MYRIP: variants seen among roughly 807,000 people sequenced by gnomAD.
MYRIP encodes myosin VIIA and Rab interacting protein.
A neutral mutation model predicts 98.0 loss-of-function variants in MYRIP; 49 were observed. That is an observed-to-expected ratio of 0.50 (90% CI 0.40 to 0.63). The LOEUF is 0.63. Among genes scored for constraint, MYRIP ranks in the 30% least tolerant of loss-of-function variants. The pLI, the probability that MYRIP is intolerant of heterozygous loss-of-function variation, is 0.00. For missense variants in MYRIP, 1,004 were observed against 1,058.2 expected (o/e 0.95, Z 0.71); for synonymous variants, 404 against 409.5 (o/e 0.99, Z 0.16).
At chr3:39,918,279 A>G (rs1559521772) in intron 2 of MYRIP, among the ~76,000 whole-genome samples, 1 of 152,068 alleles carries the variant, frequency 6.6e-6, no homozygotes, top group African/African-American at 2.4e-5. Flanking sequence ...GCTCAAATAA[A>G]CTCTATATTT....
At chr3:40,135,380 A>T (rs548065241) in intron 3 of MYRIP, among the ~76,000 whole-genome samples, 1 of 152,274 alleles carries the variant, frequency 6.6e-6, no homozygotes, top group Non-Finnish European at 1.5e-5. Context: ...ATATGGGACT[A>T]TGTGAAAAGA....
chr3:39,858,644 A>G (rs1185760074), intron 1 of MYRIP, among the ~76,000 whole-genome samples: 1 of 152,144 alleles, frequency 6.6e-6, no homozygotes, highest in African/African-American at 2.4e-5. Flanking sequence ...GTTAGGCCAC[A>G]AAAAAAGTTG....
chr3:40,089,441 A>G (rs536164121), intron 3 of MYRIP, among the ~76,000 whole-genome samples: 5 of 152,182 alleles, frequency 3.3e-5, no homozygotes, highest in African/African-American at 4.8e-5. Context: ...TTTTTCATTT[A>G]CAACCCTTGA....
intron 3 of MYRIP, among the ~76,000 whole-genome samples, chr3:40,082,530 T>C (rs1352608005): frequency 1.3e-5 from 2 of 152,240 alleles, no homozygotes; most frequent in African/African-American, 4.8e-5. Flanking sequence ...CAAGATTATT[T>C]ATTTTCTGGG....
chr3:40,096,945 T>A (rs1186800520), intron 3 of MYRIP, among the ~76,000 whole-genome samples: 1 of 152,182 alleles, frequency 6.6e-6, no homozygotes, highest in Non-Finnish European at 1.5e-5. Context: ...CCCATCGTCC[T>A]AACTCCTCAC....
chr3:40,130,626 C>T (rs1428144971), intron 3 of MYRIP, among the ~76,000 whole-genome samples: 6 of 151,924 alleles, frequency 3.9e-5, no homozygotes, highest in Admixed American at 3.3e-4. Context: ...GTGATCCGCC[C>T]GCCTCGGCCT....
intron 1 of MYRIP, among the ~76,000 whole-genome samples, chr3:39,839,020 T>C (rs1042270307): frequency 3.3e-5 from 5 of 151,934 alleles, no homozygotes. Flanking sequence ...TAGTATTCTC[T>C]GATGGTCAGT....
chr3:40,166,752 C>T (rs2125594066), intron 5 of MYRIP, 94 bp from the exon 6 acceptor site: 1 of 859,518 alleles, frequency 1.2e-6, no homozygotes. Context: ...GAACTTATCC[C>T]AGAGCCCCTG....
intron 16 of MYRIP, 95 bp downstream of exon 16, chr3:40,252,094 C>A: frequency 1.1e-6 from 1 of 940,900 alleles, no homozygotes; most frequent in Non-Finnish European, 1.6e-6. Context: ...CATCAGAACC[C>A]CCAAAAAGTA....
At chr3:40,192,909 A>G (rs1951281421) in intron 10 of MYRIP, among the ~76,000 whole-genome samples, 1 of 152,184 alleles carries the variant, frequency 6.6e-6, no homozygotes, top group Admixed American at 6.5e-5. Context: ...AGTAACCTGT[A>G]TAGAAAATGC....
intron 2 of MYRIP, among the ~76,000 whole-genome samples, chr3:39,954,157 A>C (rs9831581): frequency 0.069 from 10,471 of 152,132 alleles, 561 homozygotes; most frequent in East Asian, 0.18. Context: ...CTTTGAAGAG[A>C]GTAGTGGTTC....
chr3:39,856,993 G>T (rs372924616), intron 1 of MYRIP, among the ~76,000 whole-genome samples: 1 of 152,250 alleles, frequency 6.6e-6, no homozygotes, highest in East Asian at 1.9e-4. Flanking sequence ...AGCACTTTGG[G>T]AGGATTCTTT....
In MYRIP at chr3:40,190,411, G is replaced by A. The variant is rs532025468; in HGVS notation, c.1613G>A (p.Ser538Asn). ...GCCCGACTGGGCTCAGAAGAGCCAA[G>A]CAAAGAACCATCTTCCCCCAGCGCC... is the stretch of plus-strand genomic sequence containing the variant. ...RRARLGSEEP[S>N]KEPSSPSAQL... Residue 538 changes from serine (S) to asparagine (N), a missense_variant, in exon 10 of 17, where the codon AGC (serine) becomes AAC (asparagine). Physicochemically the swap from Ser to Asn is conservative, Grantham distance 46. Coordinates refer to ENST00000302541, the MANE Select transcript of MYRIP (RefSeq NM_015460.4). The A allele has an allele frequency of 2.0e-5, 32 of 1,611,428 alleles. No individual in the cohort carries two copies. The Admixed American group carries it at 3.4e-4, about 17-fold the overall frequency.
intron 5 of MYRIP, 54 bp downstream of exon 5, chr3:40,162,864 C>T: frequency 4.6e-6 from 7 of 1,516,010 alleles, no homozygotes; most frequent in Non-Finnish European, 6.4e-6. Context: ...ATAGAAACAC[C>T]TACAGGTACA....
At chr3:39,872,544 G>T (rs951313124) in intron 1 of MYRIP, among the ~76,000 whole-genome samples, 3 of 138,398 alleles carry the variant, frequency 2.2e-5, no homozygotes, top group Non-Finnish European at 4.5e-5. Context: ...GTGTCCATGT[G>T]TTCTCATTGT....
At chr3:39,882,128 C>CT (rs974268117) in intron 1 of MYRIP, among the ~76,000 whole-genome samples, 19 of 151,784 alleles carry the variant, frequency 1.3e-4, no homozygotes, top group Admixed American at 4.6e-4. Flanking sequence ...TTCTTGTTAG[C>CT]TTTTTTTTAG....
Position 40,026,003 on chromosome 3 carries a change from A to G in MYRIP, c.111-18047A>G, listed in dbSNP as rs553344660. On this transcript the variant is annotated intron_variant, in intron 2 of 16. Transcript: ENST00000302541. ...AAACAGGATTCGAGAGCAGAGAACCAGTCTGACCTCAAATTTACCAGGGTG... is the reference window on the plus strand; with the variant it reads ...AAACAGGATTCGAGAGCAGAGAACCGGTCTGACCTCAAATTTACCAGGGTG... 6.8e-4 allele frequency among the ~76,000 whole-genome samples: 103 copies of G among 152,286 alleles called. 2 individuals carry two copies. The Middle Eastern group carries it at 0.014, about 20-fold the overall frequency.
intron 2 of MYRIP, among the ~76,000 whole-genome samples, chr3:40,023,621 C>T (rs765797412): frequency 4.6e-5 from 7 of 152,142 alleles, no homozygotes; most frequent in East Asian, 3.9e-4. Flanking sequence ...CGAAAAATGA[C>T]GTCTCCCTTC....
In MYRIP at chr3:40,204,030, T is replaced by C. The variant is rs1575628188; in HGVS notation, c.1666-5824T>C. 1.5e-3 allele frequency among the ~76,000 whole-genome samples: 11 copies of C among 7,266 alleles called. 3 individuals carry two copies. Among genetic ancestry groups the C allele is most frequent in the Non-Finnish European group, 2.8e-3 (8 of 2,888 alleles). 4.8% of individuals were successfully genotyped at this position (7,266 alleles called of 152,430 possible). ...TATTATATATAATATATATTATATA[T>C]ATTATATATTATATATAATATATTT... On this transcript the variant is annotated intron_variant, in intron 10 of 16. Transcript: ENST00000302541.
Sources: allele counts gnomAD v4.1 joint callset (sites outside exome capture counted in the v4.1 genomes callset), GRCh38; gene constraint gnomAD v4.1.1; transcripts MANE v1.5; gene names NCBI Gene and HGNC (gene_info 2026-07-23, HGNC 2026-07-21).